IGF2R: variants seen among roughly 807,000 people sequenced by gnomAD.
The protein encoded by IGF2R is cation-independent mannose-6-phosphate receptor.
Under a neutral mutation model 270.6 loss-of-function variants are expected in IGF2R, and 91 were observed. The ratio of observed to expected loss-of-function variants is 0.34; its 90% CI spans 0.28 to 0.40. The LOEUF (loss-of-function observed/expected upper bound fraction) is 0.40. Ranked by LOEUF, IGF2R falls within the 10% of genes least tolerant of loss-of-function variation. The pLI is 1.00. For synonymous variants in IGF2R, 1,316 were observed against 1,258.9 expected, an observed-to-expected ratio of 1.05 and a Z score of -0.96; for missense variants, 2,805 against 3,188.3, an observed-to-expected ratio of 0.88 and a Z score of 2.90.
intron 16 of IGF2R, 44 bp from the exon 17 acceptor site, chr6:160,047,748 T>A: frequency 8.5e-7 from 1 of 1,174,594 alleles, no homozygotes; most frequent in Non-Finnish European, 1.3e-6. Flanking sequence ...ATGTCACGTG[T>A]CTTTCTCTTT....
chr6:160,024,480 A>C, intron 4 of IGF2R, 92 bp from the exon 5 acceptor site: 1 of 1,230,882 alleles, frequency 8.1e-7, no homozygotes, highest in Non-Finnish European at 1.2e-6. Flanking sequence ...TCCCTAAGGA[A>C]TGGAGAGCAG....
intron 18 of IGF2R, among the ~76,000 whole-genome samples, chr6:160,049,481 C>G (rs963259517): frequency 2.0e-5 from 3 of 152,052 alleles, no homozygotes; most frequent in Non-Finnish European, 4.4e-5. Context: ...ATGGAGAGGG[C>G]GAGGCAGTGC....
rs763519035 is a variant in IGF2R at position 160,073,376 on chromosome 6, C to T, written c.4854C>T (p.Ala1618=). The T allele has an allele frequency of 9.3e-6, 15 of 1,614,228 alleles. No individual in the cohort carries two copies. Among genetic ancestry groups the T allele is most frequent in the African/African-American group, 5.3e-5 (4 of 75,070 alleles). Residue 1618 remains alanine, a synonymous_variant, in exon 34 of 48, where the codon GCC becomes GCT. Transcript: ENST00000356956. The part of the protein sequence containing the change: ...SVISFVCRPE[A]RPTNRPMLIS... ...TCAGTTTCGTGTGCAGGCCTGAGGC[C>T]AGGCCAACCAATAGGCCCATGCTCA...
At chr6:160,017,191 A>G (rs766043307) in intron 4 of IGF2R, among the ~76,000 whole-genome samples, 9 of 152,240 alleles carry the variant, frequency 5.9e-5, no homozygotes, top group Non-Finnish European at 1.0e-4. Context: ...TAGAATTTCT[A>G]GAAATGAAAA....
Position 160,073,172 on chromosome 6 carries a change from G to A in IGF2R, c.4691-41G>A, listed in dbSNP as rs755680316. 9 of 1,600,482 alleles carry A rather than the reference G, an allele frequency of 5.6e-6. No homozygotes were observed. In the African/African-American group the frequency reaches 8.0e-5, roughly 14 times the overall value. On this transcript the variant is annotated intron_variant, in intron 33 of 47. Coordinates refer to ENST00000356956, the MANE Select transcript of IGF2R (RefSeq NM_000876.4). ...TTCTCATCAGAAAATTGGCCATCGAGTCTGTGATTGTGTTTTCTCCGCCTT... is the reference window on the plus strand; with the variant it reads ...TTCTCATCAGAAAATTGGCCATCGAATCTGTGATTGTGTTTTCTCCGCCTT...
intron 17 of IGF2R, 90 bp downstream of exon 17, chr6:160,047,997 G>A: frequency 1.2e-6 from 1 of 861,344 alleles, no homozygotes; most frequent in East Asian, 2.5e-5. Flanking sequence ...AGCTGATGAT[G>A]GGGAGTGATG....
chr6:160,078,607 T>A (rs1328132579), intron 37 of IGF2R, among the ~76,000 whole-genome samples: 1 of 152,162 alleles, frequency 6.6e-6, no homozygotes, highest in Non-Finnish European at 1.5e-5. Flanking sequence ...CGCTTTTTGA[T>A]GATAAGTAAC....
At chr6:160,030,821 T>TG (rs1204728726) in intron 7 of IGF2R, among the ~76,000 whole-genome samples, 4 of 148,980 alleles carry the variant, frequency 2.7e-5, no homozygotes, top group Non-Finnish European at 6.0e-5. Context: ...AAGTTCCCTC[T>TG]GTTTTTTTTT....
intron 45 of IGF2R, among the ~76,000 whole-genome samples, chr6:160,100,414 A>G (rs772451384): frequency 2.0e-5 from 3 of 152,328 alleles, no homozygotes; most frequent in African/African-American, 4.8e-5. Context: ...TATAATTTTA[A>G]AAGGGCTAAT....
chr6:159,975,533 T>C (rs548227294), intron 1 of IGF2R, among the ~76,000 whole-genome samples: 1 of 151,888 alleles, frequency 6.6e-6, no homozygotes, highest in East Asian at 1.9e-4. Flanking sequence ...GAGTCCTACC[T>C]TGGGGCAGGT....
At position 160,103,278 on chromosome 6, in the gene IGF2R, A is replaced by T. The variant is rs200084096; in HGVS notation, c.6996-468A>T. On this transcript the variant is annotated intron_variant, in intron 46 of 47. Coordinates refer to ENST00000356956, the MANE Select transcript of IGF2R (RefSeq NM_000876.4). Reference sequence around the variant, plus strand: ...GGAGGTTGCAGTGAGCCAAGATCTCACCACTGCACTCTAGCCTGGGCAACA... The same window carrying T: ...GGAGGTTGCAGTGAGCCAAGATCTCTCCACTGCACTCTAGCCTGGGCAACA... Among the ~76,000 whole-genome samples the T allele has an allele frequency of 5.3e-5, 8 of 150,790 alleles. No individual in the cohort carries two copies. The East Asian group carries it at 1.6e-3, about 30-fold the overall frequency.
intron 42 of IGF2R, among the ~76,000 whole-genome samples, chr6:160,088,837 A>G (rs1779151815): frequency 2.0e-5 from 3 of 152,218 alleles, no homozygotes; most frequent in South Asian, 4.1e-4. Context: ...TGTGTGCACC[A>G]CAGTCATCTT....
intron 36 of IGF2R, among the ~76,000 whole-genome samples, chr6:160,077,054 G>A (rs938977361): frequency 5.3e-5 from 8 of 152,300 alleles, no homozygotes; most frequent in Non-Finnish European, 7.3e-5. Flanking sequence ...CCTGGCAGCC[G>A]CCTGACCAGT....
At position 160,046,583 on chromosome 6, in the gene IGF2R, G is replaced by C; in HGVS notation, c.1989G>C (p.Val663=). 1 of 1,613,902 alleles carries C rather than the reference G, an allele frequency of 6.2e-7. No homozygotes were observed. The highest frequency in any genetic ancestry group is 8.5e-7 in the Non-Finnish European group (1 of 1,179,990). The part of the protein sequence containing the change: ...ETKKYDFYIN[V]CGPVSVSPCQ... ...AGAAGTATGACTTTTATATAAATGT[G>C]TGTGGCCCGGTGTCTGTGAGCCCCT... Residue 663 remains valine, a synonymous_variant, in exon 15 of 48, where the codon GTG becomes GTC. Transcript: ENST00000356956.
intron 6 of IGF2R, 94 bp from the exon 7 acceptor site, chr6:160,029,456 C>CACAG: frequency 1.4e-6 from 1 of 708,630 alleles, no homozygotes; most frequent in Admixed American, 2.1e-5. Context: ...CTCTCCTCCC[C>CACAG]CCCAAGTGAA....
In IGF2R at chr6:160,047,351, T is replaced by C. The variant is rs998074; in HGVS notation, c.2229+15T>C. On this transcript the variant is annotated intron_variant, in intron 16 of 47. Transcript: ENST00000356956. The stretch of plus-strand genomic sequence containing the variant: ...CTGAATATCAGGTAGGAATGTTTGT[T>C]CCTCATCGCGCTCCCTGAGGATACT... The C allele has an allele frequency of 0.49, 771,615 of 1,560,388 alleles. 192,908 individuals are homozygous for C. Among genetic ancestry groups the C allele is most frequent in the East Asian group, 0.67 (29,780 of 44,450 alleles).
At chr6:159,999,011 A>G (rs1485241207) in intron 2 of IGF2R, among the ~76,000 whole-genome samples, 3 of 152,210 alleles carry the variant, frequency 2.0e-5, no homozygotes, top group Non-Finnish European at 4.4e-5. Context: ...AGGTCTGTGC[A>G]AATCTGCCCC....
Position 160,078,350 on chromosome 6 carries a change from G to T in IGF2R, c.5466G>T (p.Thr1822=). 6.2e-7 allele frequency: 1 copy of T among 1,614,070 alleles called. No individual in the cohort carries two copies. Among genetic ancestry groups the T allele is most frequent in the Non-Finnish European group, 8.5e-7 (1 of 1,179,964 alleles). Residue 1822 remains threonine, a synonymous_variant, in exon 37 of 48, where the codon ACG becomes ACT. Coordinates refer to ENST00000356956, the MANE Select transcript of IGF2R (RefSeq NM_000876.4). Reference sequence around the variant, plus strand: ...GCTTCAACTTGTCCAGCCTTTCCACGAGCACCTTTAAGGTAATGCGTTCAC... The same window carrying T: ...GCTTCAACTTGTCCAGCCTTTCCACTAGCACCTTTAAGGTAATGCGTTCAC... ...LYSFNLSSLS[T]STFKVTRDSR...
intron 44 of IGF2R, among the ~76,000 whole-genome samples, chr6:160,090,962 C>T (rs1264563151): frequency 2.8e-5 from 4 of 145,228 alleles, no homozygotes; most frequent in African/African-American, 7.8e-5. Flanking sequence ...CGAGAAGGAG[C>T]GGGTGCTCTG....
Sources: gnomAD v4.1 joint callset for allele counts (sites outside exome capture counted in the v4.1 genomes callset) on GRCh38, gnomAD v4.1.1 for gene constraint, MANE v1.5 for transcripts, NCBI Gene and HGNC (gene_info 2026-07-23, HGNC 2026-07-21) for gene names.